The following MAP4K4 variants were observed in gnomAD, a reference collection of about 807,000 sequenced individuals.
MAP4K4 encodes the protein mitogen-activated protein kinase kinase kinase kinase 4.
MAP4K4 carries 38 observed loss-of-function variants against 189.6 expected under a neutral mutation model. The ratio of observed to expected loss-of-function variants is 0.20; its 90% CI spans 0.15 to 0.26. The LOEUF (loss-of-function observed/expected upper bound fraction) is 0.26, where lower values mean the gene tolerates loss of function less well. Ranked by LOEUF, MAP4K4 falls within the 10% of genes least tolerant of loss-of-function variation. The probability of loss-of-function intolerance (pLI) is 1.00; values close to 1 mark genes in which losing one functional copy is unlikely to be tolerated. For synonymous variants in MAP4K4, 610 were observed against 624.3 expected, an observed-to-expected ratio of 0.98 and a Z score of 0.34; for missense variants, 1,054 against 1,726.9, an observed-to-expected ratio of 0.61 and a Z score of 6.91.
intron 12 of MAP4K4, among the ~76,000 whole-genome samples, chr2:101,854,586 A>G (rs1235732471): frequency 6.6e-6 from 1 of 152,218 alleles, no homozygotes; most frequent in East Asian, 1.9e-4. Flanking sequence ...CAGATGAAAG[A>G]TACTACTTTA....
At chr2:101,710,157 T>C (rs2044604620) in intron 2 of MAP4K4, among the ~76,000 whole-genome samples, 1 of 152,216 alleles carries the variant, frequency 6.6e-6, no homozygotes, top group African/African-American at 2.4e-5. Flanking sequence ...CTTAATAATT[T>C]GTTGGAGATC....
intron 2 of MAP4K4, among the ~76,000 whole-genome samples, chr2:101,716,474 A>G (rs1183120021): frequency 6.6e-6 from 1 of 151,706 alleles, no homozygotes; most frequent in Non-Finnish European, 1.5e-5. Flanking sequence ...AAAAAAAACT[A>G]CAGATGCTAT....
chr2:101,804,778 G>A (rs987108721), intron 3 of MAP4K4, among the ~76,000 whole-genome samples: 2 of 152,070 alleles, frequency 1.3e-5, no homozygotes, highest in African/African-American at 4.8e-5. Context: ...ACCCTCAGTA[G>A]CTCTTATATT....
chr2:101,736,663 C>G (rs148951472), intron 2 of MAP4K4, among the ~76,000 whole-genome samples: 1 of 152,092 alleles, frequency 6.6e-6, no homozygotes, highest in African/African-American at 2.4e-5. Flanking sequence ...TTCTGATTGT[C>G]CTGTACAAGT....
At chr2:101,756,485 AG>A (rs1423075584) in intron 2 of MAP4K4, among the ~76,000 whole-genome samples, 2 of 152,186 alleles carry the variant, frequency 1.3e-5, no homozygotes, top group African/African-American at 4.8e-5. Flanking sequence ...ACAGGTCATT[AG>A]TGACAGGACT....
At chr2:101,836,375 A>G (rs2096752739) in intron 9 of MAP4K4, among the ~76,000 whole-genome samples, 1 of 152,176 alleles carries the variant, frequency 6.6e-6, no homozygotes, top group Non-Finnish European at 1.5e-5. Context: ...ACCTGAGGTC[A>G]GGAGTTCAAG....
rs560925713 is a variant in MAP4K4, at chr2:101,716,858, C to G, written c.123+18320C>G. Among the ~76,000 whole-genome samples, 5 of 152,210 alleles carry G rather than the reference C, an allele frequency of 3.3e-5. 1 individual carries two copies. The South Asian group carries it at 1.0e-3, about 32-fold the overall frequency. On this transcript the variant is annotated intron_variant, in intron 2 of 32. Coordinates refer to ENST00000324219, the Ensembl canonical transcript of MAP4K4. The stretch of plus-strand genomic sequence containing the variant: ...CTTTTGTTTCCCATATCTCAGTTTT[C>G]TTTTTGTCTCCTTTCTTCCTTTTGT...
At chr2:101,763,986 G>A (rs913421253) in intron 2 of MAP4K4, among the ~76,000 whole-genome samples, 6 of 152,186 alleles carry the variant, frequency 3.9e-5, no homozygotes, top group Middle Eastern at 3.4e-3. Flanking sequence ...CTGAGAAATA[G>A]GAATGTATGA....
chr2:101,802,043 A>G (rs558326272), intron 3 of MAP4K4, among the ~76,000 whole-genome samples: 21 of 152,196 alleles, frequency 1.4e-4, no homozygotes, highest in Non-Finnish European at 2.8e-4. Flanking sequence ...CTTGGTAGAT[A>G]GTGGGTGTGG....
At chr2:101,837,954 CTAA>C (rs2096808808) in intron 9 of MAP4K4, among the ~76,000 whole-genome samples, 1 of 152,152 alleles carries the variant, frequency 6.6e-6, no homozygotes, top group African/African-American at 2.4e-5. Context: ...TATCCCTGTT[CTAA>C]TGTTACCCAA....
intron 3 of MAP4K4, 146 bp downstream of exon 3, chr2:101,790,922 G>A (rs970012690): frequency 1.4e-6 from 1 of 707,892 alleles, no homozygotes; most frequent in Non-Finnish European, 2.4e-6. Context: ...AGGTCCAGTG[G>A]ACTAGTTGGC....
chr2:101,860,945 G>C, exon 16 of MAP4K4: 1 of 1,603,902 alleles, frequency 6.2e-7, no homozygotes, highest in Non-Finnish European at 8.5e-7. Context: ...TGGCAACTCC[G>C]AGTCTGTGCA....
At chr2:101,769,320 C>T (rs2080170276) in intron 2 of MAP4K4, among the ~76,000 whole-genome samples, 1 of 152,110 alleles carries the variant, frequency 6.6e-6, no homozygotes, top group African/African-American at 2.4e-5. Context: ...AGTGAATATT[C>T]AGCAAGGTAA....
At chr2:101,719,241 T>TC (rs2050285414) in intron 2 of MAP4K4, among the ~76,000 whole-genome samples, 1 of 152,030 alleles carries the variant, frequency 6.6e-6, no homozygotes, top group Non-Finnish European at 1.5e-5. Context: ...GCTACTGTCT[T>TC]CCCCCCTACT....
At chr2:101,809,638 T>C (rs1289841546) in intron 3 of MAP4K4, among the ~76,000 whole-genome samples, 1 of 152,252 alleles carries the variant, frequency 6.6e-6, no homozygotes, top group Non-Finnish European at 1.5e-5. Flanking sequence ...TGCTTGTTTT[T>C]GATAACTTGA....
chr2:101,872,076 T>C (rs912700458), intron 24 of MAP4K4, among the ~76,000 whole-genome samples: 9 of 152,196 alleles, frequency 5.9e-5, no homozygotes, highest in South Asian at 2.1e-4. Flanking sequence ...AAATAAAATA[T>C]AGGAAGATTC....
chr2:101,883,120 T>C (rs1372606852), intron 28 of MAP4K4, among the ~76,000 whole-genome samples: 1 of 152,210 alleles, frequency 6.6e-6, no homozygotes, highest in Non-Finnish European at 1.5e-5. Context: ...GGTCTGGAGG[T>C]CCTTGGCAGG....
At chr2:101,807,155 G>T (rs758282035) in intron 3 of MAP4K4, among the ~76,000 whole-genome samples, 9 of 151,574 alleles carry the variant, frequency 5.9e-5, no homozygotes, top group Non-Finnish European at 1.0e-4. Flanking sequence ...TGGAATCACA[G>T]TTCTCCCACT....
chr2:101,793,913 T>G (rs1229533598), intron 3 of MAP4K4, among the ~76,000 whole-genome samples: 1 of 152,152 alleles, frequency 6.6e-6, no homozygotes, highest in East Asian at 1.9e-4. Flanking sequence ...AATTACAGAT[T>G]TCATCCTCGG....
Sources: gnomAD v4.1 joint callset for allele counts (sites outside exome capture counted in the v4.1 genomes callset) on GRCh38, gnomAD v4.1.1 for gene constraint, MANE v1.5 for transcripts, NCBI Gene and HGNC (gene_info 2026-07-23, HGNC 2026-07-21) for gene names.